Variants in RPH3A observed in about 807,000 individuals in gnomAD.
RPH3A encodes the protein rabphilin-3A.
RPH3A carries 48 observed loss-of-function variants against 102.2 expected under a neutral mutation model. The observed-to-expected ratio is 0.47, with a 90% CI of 0.37 to 0.60. RPH3A has a LOEUF of 0.60. Ranked by LOEUF, RPH3A falls within the 20% of genes least tolerant of loss-of-function variation. The pLI is 0.00. For synonymous variants in RPH3A, 310 were observed against 324.3 expected (o/e 0.96, Z 0.47); for missense variants, 781 against 910.1 (o/e 0.86, Z 1.83).
At chr12:112,596,325 C>T (rs760679308) in intron 1 of RPH3A, among the ~76,000 whole-genome samples, 2 of 151,986 alleles carry the variant, frequency 1.3e-5, no homozygotes, top group South Asian at 2.1e-4. Flanking sequence ...AAGTTTTTGT[C>T]GAGATTGGGT....
intron 1 of RPH3A, among the ~76,000 whole-genome samples, chr12:112,726,731 G>A (rs1160169231): frequency 6.6e-6 from 1 of 152,086 alleles, no homozygotes; most frequent in Non-Finnish European, 1.5e-5. Context: ...AAATATAAAG[G>A]CATTTTTCTG....
chr12:112,710,194 T>C (rs1271487427), intron 1 of RPH3A, among the ~76,000 whole-genome samples: 1 of 152,170 alleles, frequency 6.6e-6, no homozygotes, highest in East Asian at 1.9e-4. Flanking sequence ...GCCAGGATGG[T>C]CTCGATCTCC....
chr12:112,647,601 GTGTA>G (rs1450703313), intron 1 of RPH3A, among the ~76,000 whole-genome samples: 1 of 135,026 alleles, frequency 7.4e-6, no homozygotes, highest in Non-Finnish European at 1.6e-5. Flanking sequence ...GTGTGTGTGT[GTGTA>G]TGTGTGTGTG....
At chr12:112,714,045 T>G (rs147073834) in intron 1 of RPH3A, among the ~76,000 whole-genome samples, 17 of 152,252 alleles carry the variant, frequency 1.1e-4, no homozygotes, top group African/African-American at 4.1e-4. Flanking sequence ...ACATGAGGCC[T>G]ATAGGTGGTT....
intron 5 of RPH3A, among the ~76,000 whole-genome samples, chr12:112,862,685 T>G (rs1024125647): frequency 6.6e-6 from 1 of 152,062 alleles, no homozygotes; most frequent in Non-Finnish European, 1.5e-5. Context: ...TTCTGTGCAA[T>G]CTGGGTCACA....
intron 2 of RPH3A, among the ~76,000 whole-genome samples, chr12:112,794,274 C>T (rs1172364909): frequency 3.9e-5 from 6 of 152,204 alleles, no homozygotes; most frequent in Non-Finnish European, 4.4e-5. Flanking sequence ...CTGGGTGGCC[C>T]TAAGTCCCCT....
At chr12:112,822,857 T>G (rs534919835) in intron 2 of RPH3A, among the ~76,000 whole-genome samples, 4 of 152,342 alleles carry the variant, frequency 2.6e-5, no homozygotes, top group African/African-American at 9.6e-5. Context: ...GAGTAAGCCC[T>G]TGATATTTGA....
At chr12:112,709,733 G>A (rs866950824) in intron 1 of RPH3A, among the ~76,000 whole-genome samples, 9 of 152,198 alleles carry the variant, frequency 5.9e-5, no homozygotes, top group Middle Eastern at 6.8e-3. Flanking sequence ...TAGGTTGCAG[G>A]TGGGTCATTC....
intron 16 of RPH3A, among the ~76,000 whole-genome samples, chr12:112,886,762 G>C (rs1456652980): frequency 6.6e-6 from 1 of 152,188 alleles, no homozygotes; most frequent in Non-Finnish European, 1.5e-5. Flanking sequence ...CCTCTTATTA[G>C]GGAAAAATTA....
At chr12:112,882,316 C>T (rs565017544) in intron 15 of RPH3A, among the ~76,000 whole-genome samples, 9 of 152,248 alleles carry the variant, frequency 5.9e-5, no homozygotes, top group East Asian at 1.9e-4. Context: ...TCAAGCTCAC[C>T]GGCTGAGCAT....
chr12:112,662,627 A>G (rs547872118), intron 1 of RPH3A, among the ~76,000 whole-genome samples: 1 of 152,292 alleles, frequency 6.6e-6, no homozygotes, highest in Admixed American at 6.5e-5. Flanking sequence ...TTCTCTCTCA[A>G]TTGCTGAATG....
intron 16 of RPH3A, among the ~76,000 whole-genome samples, chr12:112,886,778 T>C (rs1164565627): frequency 6.6e-6 from 1 of 152,228 alleles, no homozygotes; most frequent in Non-Finnish European, 1.5e-5. Flanking sequence ...AATTATTTAA[T>C]CTTTCTGGGC....
chr12:112,733,131 G>A (rs2136049972), intron 1 of RPH3A, among the ~76,000 whole-genome samples: 1 of 152,194 alleles, frequency 6.6e-6, no homozygotes, highest in African/African-American at 2.4e-5. Context: ...CAAGTTTCAA[G>A]CATGAGCCTG....
At chr12:112,787,645 G>A (rs1331408841), upstream of RPH3A, among the ~76,000 whole-genome samples, 1 of 152,186 alleles carries the variant, frequency 6.6e-6, no homozygotes, top group Non-Finnish European at 1.5e-5. Context: ...CAGGGTCTTG[G>A]TTCAAATTCC....
intron 1 of RPH3A, among the ~76,000 whole-genome samples, chr12:112,757,573 T>A (rs2040829733): frequency 6.6e-6 from 1 of 152,182 alleles, no homozygotes; most frequent in South Asian, 2.1e-4. Flanking sequence ...TATCACACTT[T>A]TCAAAATTAA....
chr12:112,766,190 G>A lies in RPH3A; in HGVS notation c.-139-25953G>A, dbSNP rs115315156. On this transcript the variant is annotated intron_variant, in intron 1 of 21. Transcript: ENST00000543106. ...CACATTTCGGCACTGCCACTTCCTA[G>A]CTGTGTGAAGTTGAACTCGTTCCAT... is the stretch of plus-strand genomic sequence containing the variant. Among the ~76,000 whole-genome samples, 1,453 of 152,238 alleles carry A rather than the reference G, an allele frequency of 9.5e-3. 30 individuals are homozygous for A. The highest frequency in any genetic ancestry group is 0.034 in the African/African-American group (1,396 of 41,522).
chr12:112,868,359 T>C (rs554531792), intron 7 of RPH3A, 71 bp from the exon 8 acceptor site: 1 of 1,491,760 alleles, frequency 6.7e-7, no homozygotes, highest in Non-Finnish European at 9.2e-7. Flanking sequence ...AAGATAAAAA[T>C]GGGCACTCAT....
intron 1 of RPH3A, among the ~76,000 whole-genome samples, chr12:112,675,727 G>A (rs2040169744): frequency 6.6e-6 from 1 of 152,186 alleles, no homozygotes; most frequent in South Asian, 2.1e-4. Flanking sequence ...AAATTTTGGT[G>A]CAGGTATATG....
intron 2 of RPH3A, among the ~76,000 whole-genome samples, chr12:112,810,887 T>C (rs2136120467): frequency 6.6e-6 from 1 of 152,272 alleles, no homozygotes; most frequent in East Asian, 1.9e-4. Context: ...TTGTATATTG[T>C]ATAATATTTA....
Sources: gnomAD v4.1 joint callset for allele counts (sites outside exome capture counted in the v4.1 genomes callset) on GRCh38, gnomAD v4.1.1 for gene constraint, MANE v1.5 for transcripts, NCBI Gene and HGNC (gene_info 2026-07-23, HGNC 2026-07-21) for gene names.